The following CHERP variants were observed in gnomAD, a reference collection of about 807,000 sequenced individuals.
CHERP encodes the protein ERPROT 213-21.
In CHERP, 8 loss-of-function variants were observed where a neutral mutation model predicts 113.8. The observed-to-expected ratio is 0.07, with a 90% CI of 0.04 to 0.13. CHERP has a LOEUF of 0.13. Ranked by LOEUF, CHERP falls within the 10% of genes least tolerant of loss-of-function variation. The probability of loss-of-function intolerance (pLI) is 1.00; values close to 1 mark genes in which losing one functional copy is unlikely to be tolerated. For missense variants in CHERP, 884 were observed against 1,298.2 expected (o/e 0.68, Z 4.90); for synonymous variants, 559 against 524.5 (o/e 1.07, Z -0.90).
intron 5 of CHERP, among the ~76,000 whole-genome samples, chr19:16,531,816 G>A (rs1451912576): frequency 1.3e-5 from 2 of 152,144 alleles, no homozygotes; most frequent in Non-Finnish European, 2.9e-5. Flanking sequence ...AGGCAGTGCT[G>A]CATGTGATAG....
Position 16,541,976 on chromosome 19 carries a change from C to T in CHERP, c.93G>A (p.Glu31=). 6.2e-7 allele frequency: 1 copy of T among 1,614,152 alleles called. No homozygotes were observed. The highest frequency in any genetic ancestry group is 8.5e-7 in the Non-Finnish European group (1 of 1,180,020). Residue 31 remains glutamate, a synonymous_variant, in exon 2 of 17, where the codon GAG becomes GAA. Coordinates refer to ENST00000546361, the MANE Select transcript of CHERP (RefSeq NM_006387.6). ...CCTTCTGCTTCTCCATAGTCATCTT[C>T]TCAAACTCGGGCCCATTGCGAGCCA... The part of the protein sequence containing the change: ...QFVARNGPEF[E]KMTMEKQKDN...
chr19:16,539,146 G>GTTTT (rs889826521), intron 2 of CHERP, among the ~76,000 whole-genome samples: 4 of 130,874 alleles, frequency 3.1e-5, no homozygotes, highest in Non-Finnish European at 4.9e-5. Flanking sequence ...TTTAGAAACG[G>GTTTT]TTTTTTTTTT....
rs2085607241 is a variant in CHERP at position 16,520,862 on chromosome 19, C to T, written c.2165G>A (p.Arg722Gln). The stretch of plus-strand genomic sequence containing the variant: ...CTCCTGGCCTTTCCTCCGCCGGGCC[C>T]GCATTTTTGCTCGGAAGAACTCATA... ...GLYEFFRAKM[R>Q]ARRRKGQEKR... The change falls in exon 13 of 17, where the codon CGG (arginine) becomes CAG (glutamine). Residue 722 changes from arginine (R) to glutamine (Q), a missense_variant. Physicochemically the swap from Arg to Gln is conservative, Grantham distance 43. Transcript: ENST00000546361. The surrounding 1 kb of genome is among the most constrained non-coding windows in gnomAD (Gnocchi z 4.0). The T allele has an allele frequency of 3.1e-6, 5 of 1,613,796 alleles. No individual in the cohort carries two copies. The highest frequency in any genetic ancestry group is 2.7e-5 in the African/African-American group (2 of 74,918).
rs1432777687 is a variant in CHERP, at chr19:16,519,100, G to T, written c.*59C>A. 2.0e-6 allele frequency: 3 copies of T among 1,472,466 alleles called. No individual in the cohort carries two copies. Among genetic ancestry groups the T allele is most frequent in the Non-Finnish European group, 2.8e-6 (3 of 1,075,220 alleles). 91.2% of individuals were successfully genotyped at this position (1,472,466 alleles called of 1,614,324 possible). A position where few individuals can be genotyped will look rare whatever the true frequency, so the allele number is the denominator to read the frequency against. The stretch of plus-strand genomic sequence containing the variant: ...CACTGCAATCTTCCTCTGCCAGTCA[G>T]CCAGGAAGGTCCCACAGCCGGCACC... On this transcript the variant is annotated 3_prime_UTR_variant, in exon 17 of 17. Coordinates refer to ENST00000546361, the MANE Select transcript of CHERP (RefSeq NM_006387.6). The surrounding 1 kb of genome is among the most constrained non-coding windows in gnomAD (Gnocchi z 6.0).
intron 8 of CHERP, among the ~76,000 whole-genome samples, chr19:16,529,379 G>C (rs1203633198): frequency 6.6e-6 from 1 of 152,140 alleles, no homozygotes; most frequent in Non-Finnish European, 1.5e-5. Context: ...CCTAGTCTTG[G>C]GGAATGATCT....
chr19:16,520,779 G>A lies in CHERP; in HGVS notation c.2201+47C>T. 1 of 1,560,494 alleles carries A rather than the reference G, an allele frequency of 6.4e-7. No individual in the cohort carries two copies. The highest frequency in any genetic ancestry group is 8.8e-7 in the Non-Finnish European group (1 of 1,133,670). ...TGGGGTCTGCTCCCACCCATCACAA[G>A]CTGTGGACCCTGGCCCCCCGGCCAC... On this transcript the variant is annotated intron_variant, in intron 13 of 16. Transcript: ENST00000546361. This position sits in a 1 kb window ranked among gnomAD's most constrained non-coding sequence, Gnocchi z 4.0.
At chr19:16,534,359 G>A (rs1422208372) in intron 3 of CHERP, among the ~76,000 whole-genome samples, 1 of 152,188 alleles carries the variant, frequency 6.6e-6, no homozygotes, top group African/African-American at 2.4e-5. Flanking sequence ...GGAATTTTCT[G>A]AGAGCAATAT....
In CHERP at chr19:16,529,911, GAA is replaced by G; in HGVS notation, c.877-13_877-12del. On this transcript the variant is annotated splice_polypyrimidine_tract_variant and intron_variant, in intron 7 of 16. Transcript: ENST00000546361. Reference sequence around the variant, plus strand: ...GTTGATGAGGGTGGCCTGAGAGAGAGAAGAGCACCCGCTGCTCAGTATGCGGC... The same window carrying G: ...GTTGATGAGGGTGGCCTGAGAGAGAGGAGCACCCGCTGCTCAGTATGCGGC... The G allele has an allele frequency of 6.2e-7, 1 of 1,611,094 alleles. No individual in the cohort carries two copies. The highest frequency in any genetic ancestry group is 8.5e-7 in the Non-Finnish European group (1 of 1,178,548).
Position 16,541,919 on chromosome 19 carries a change from G to T in CHERP, c.150C>A (p.Gly50=). The T allele has an allele frequency of 6.2e-7, 1 of 1,613,954 alleles. No homozygotes were observed. The highest frequency in any genetic ancestry group is 8.5e-7 in the Non-Finnish European group (1 of 1,179,998). Residue 50 remains glycine, a synonymous_variant, in exon 2 of 17, where the codon GGC becomes GGA. Transcript: ENST00000546361. The part of the protein sequence containing the change: ...DNPKFSFLFG[G]EFYSYYKCKL... The stretch of plus-strand genomic sequence containing the variant: ...TGCACTTGTAGTAACTGTAGAATTC[G>T]CCTCCGAAAAGAAACGAGAATTTGG...
chr19:16,525,974 T>C lies in CHERP; in HGVS notation c.1306-297A>G, dbSNP rs1479398934. Among the ~76,000 whole-genome samples, 1 of 152,158 alleles carries C rather than the reference T, an allele frequency of 6.6e-6. No homozygotes were observed. The highest frequency in any genetic ancestry group is 1.9e-4 in the East Asian group (1 of 5,190). On this transcript the variant is annotated intron_variant, in intron 9 of 16. Coordinates refer to ENST00000546361, the MANE Select transcript of CHERP (RefSeq NM_006387.6). This position sits in a 1 kb window ranked among gnomAD's most constrained non-coding sequence, Gnocchi z 6.5. The stretch of plus-strand genomic sequence containing the variant: ...CACACAGGCCGCCCGCGCCACAAGG[T>C]GCTCCCCGCTACCACTGCCAGACAA...
In CHERP at chr19:16,520,136, G is replaced by A. The variant is rs2085595680; in HGVS notation, c.2462+13C>T. ...CCAGAGTTACCAGCGCAGCACTTAAGACAGGATCTTACGGCGGGGTGGGGC... is the reference window on the plus strand; with the variant it reads ...CCAGAGTTACCAGCGCAGCACTTAAAACAGGATCTTACGGCGGGGTGGGGC... On this transcript the variant is annotated intron_variant, in intron 15 of 16. Coordinates refer to ENST00000546361, the MANE Select transcript of CHERP (RefSeq NM_006387.6). This position sits in a 1 kb window ranked among gnomAD's most constrained non-coding sequence, Gnocchi z 4.0. The A allele has an allele frequency of 6.2e-7, 1 of 1,611,234 alleles. No homozygotes were observed. The highest frequency in any genetic ancestry group is 8.5e-7 in the Non-Finnish European group (1 of 1,178,626).
At chr19:16,526,633 A>AT (rs759279037) in intron 9 of CHERP, among the ~76,000 whole-genome samples, 10 of 151,834 alleles carry the variant, frequency 6.6e-5, no homozygotes, top group Non-Finnish European at 1.3e-4. Context: ...ATGCCCGGCT[A>AT]TTTTTTTATC....
At chr19:16,536,152 T>C (rs945596963) in intron 2 of CHERP, among the ~76,000 whole-genome samples, 1 of 152,148 alleles carries the variant, frequency 6.6e-6, no homozygotes, top group African/African-American at 2.4e-5. Flanking sequence ...CACTGCGGCC[T>C]CCCCCACACC....
Position 16,519,356 on chromosome 19 carries a change from G to T in CHERP, c.2558-4C>A. The T allele has an allele frequency of 6.2e-7, 1 of 1,609,280 alleles. No homozygotes were observed. The highest frequency in any genetic ancestry group is 8.5e-7 in the Non-Finnish European group (1 of 1,178,802). On this transcript the variant is annotated splice_polypyrimidine_tract_variant and splice_region_variant and intron_variant, in intron 16 of 16. Coordinates refer to ENST00000546361, the MANE Select transcript of CHERP (RefSeq NM_006387.6). This position sits in a 1 kb window ranked among gnomAD's most constrained non-coding sequence, Gnocchi z 6.0. ...AGGCCGCCTGAGCCGCTCCAGCCTG[G>T]AAACAGAGACGCAGTCACAACCACA...
At chr19:16,536,565 C>T (rs570501208) in intron 2 of CHERP, among the ~76,000 whole-genome samples, 1 of 152,190 alleles carries the variant, frequency 6.6e-6, no homozygotes, top group Non-Finnish European at 1.5e-5. Flanking sequence ...TGACTGTGCC[C>T]TCCAGTTTGT....
intron 11 of CHERP, among the ~76,000 whole-genome samples, chr19:16,522,430 T>G (rs2085625125): frequency 3.3e-5 from 5 of 152,284 alleles, no homozygotes; most frequent in African/African-American, 1.2e-4. Context: ...GGCTAATTTT[T>G]TGTATTTTTT....
Position 16,519,489 on chromosome 19 carries a change from G to C in CHERP, c.2557+132C>G. 1.6e-6 allele frequency: 2 copies of C among 1,251,534 alleles called. No individual in the cohort carries two copies. Among genetic ancestry groups the C allele is most frequent in the Non-Finnish European group, 2.3e-6 (2 of 873,334 alleles). The allele number at this position is 1,251,534 out of a possible 1,614,324, so 77.5% of individuals were successfully genotyped here. On this transcript the variant is annotated intron_variant, in intron 16 of 16. Transcript: ENST00000546361. The surrounding 1 kb of genome is among the most constrained non-coding windows in gnomAD (Gnocchi z 6.0). Reference sequence around the variant, plus strand: ...ACCCGCAGGCCGGCCCTGTCTAGAGGGTCTGGGTGGAGTCAGAACCGGCCT... The same window carrying C: ...ACCCGCAGGCCGGCCCTGTCTAGAGCGTCTGGGTGGAGTCAGAACCGGCCT...
In CHERP at chr19:16,530,078, CAG is replaced by C. The variant is rs1435016088; in HGVS notation, c.877-180_877-179del. The stretch of plus-strand genomic sequence containing the variant: ...CAATCAGTGTGCGCTGGGATCTGGC[CAG>C]AGATTTGGGGATGAGGATGTTCGCT... On this transcript the variant is annotated intron_variant, in intron 7 of 16. Coordinates refer to ENST00000546361, the MANE Select transcript of CHERP (RefSeq NM_006387.6). The surrounding 1 kb of genome is among the most constrained non-coding windows in gnomAD (Gnocchi z 4.1). Among the ~76,000 whole-genome samples the C allele has an allele frequency of 6.6e-6, 1 of 152,198 alleles. No homozygotes were observed. Among genetic ancestry groups the C allele is most frequent in the African/African-American group, 2.4e-5 (1 of 41,440 alleles).
rs1466227168 is a variant in CHERP at position 16,518,073 on chromosome 19, T to C, written c.*1086A>G. On this transcript the variant is annotated 3_prime_UTR_variant, in exon 17 of 17. Coordinates refer to ENST00000546361, the MANE Select transcript of CHERP (RefSeq NM_006387.6). ...AAAAGTTGGAAGATTTTGCATCTTA[T>C]TGAAAAGAATTTTTCAAAAATGTTT... The C allele has an allele frequency of 1.3e-5, 2 of 152,188 alleles. No homozygotes were observed. Among genetic ancestry groups the C allele is most frequent in the East Asian group, 3.9e-4 (2 of 5,190 alleles). 9.4% of individuals were successfully genotyped at this position (152,188 alleles called of 1,614,324 possible).
Sources: gnomAD v4.1 joint callset for allele counts (sites outside exome capture counted in the v4.1 genomes callset) on GRCh38, gnomAD v4.1.1 for gene constraint, Gnocchi (gnomAD v3.1) non-coding constraint, MANE v1.5 for transcripts, NCBI Gene and HGNC (gene_info 2026-07-23, HGNC 2026-07-21) for gene names.